Variants in VANGL1 observed in about 807,000 individuals in gnomAD.
VANGL1 encodes the protein VANGL planar cell polarity protein 1.
A neutral mutation model predicts 48.4 loss-of-function variants in VANGL1; 18 were observed. The observed-to-expected ratio is 0.37, with a 90% CI of 0.26 to 0.55. The LOEUF (loss-of-function observed/expected upper bound fraction) is 0.55. Among genes scored for constraint, VANGL1 ranks in the 20% least tolerant of loss-of-function variants. The pLI, the probability that VANGL1 is intolerant of heterozygous loss-of-function variation, is 0.81. For missense variants in VANGL1, 667 were observed against 675.8 expected, an observed-to-expected ratio of 0.99 and a Z score of 0.14; for synonymous variants, 257 against 261.8, an observed-to-expected ratio of 0.98 and a Z score of 0.18.
intron 4 of VANGL1, among the ~76,000 whole-genome samples, chr1:115,678,476 G>A (rs1422957545): frequency 6.6e-6 from 1 of 152,160 alleles, no homozygotes; most frequent in Non-Finnish European, 1.5e-5. Context: ...AAACAAAACA[G>A]CCTCACCTAT....
chr1:115,684,696 C>T (rs749063422), intron 6 of VANGL1, among the ~76,000 whole-genome samples: 11 of 152,186 alleles, frequency 7.2e-5, no homozygotes, highest in Admixed American at 5.2e-4. Context: ...TGCTGATGCT[C>T]CTGGCCCCCA....
intron 2 of VANGL1, among the ~76,000 whole-genome samples, chr1:115,657,969 A>G (rs771901522): frequency 1.3e-5 from 2 of 152,182 alleles, no homozygotes; most frequent in Admixed American, 6.5e-5. Context: ...CTCACTCACT[A>G]TCGTGAAGAT....
At position 115,652,142 on chromosome 1, in the gene VANGL1, G is replaced by A. The variant is rs114885886; in HGVS notation, c.71+658G>A. On this transcript the variant is annotated intron_variant, in intron 2 of 7. Transcript: ENST00000355485. Reference sequence around the variant, plus strand: ...TCATTGTCCATTATGCCTTTGTCATGAGGCTTATTTAGTGAACTGGTAGGA... The same window carrying A: ...TCATTGTCCATTATGCCTTTGTCATAAGGCTTATTTAGTGAACTGGTAGGA... 7.4e-3 allele frequency among the ~76,000 whole-genome samples: 1,124 copies of A among 152,328 alleles called. 6 individuals are homozygous for A. The highest frequency in any genetic ancestry group is 0.014 in the Middle Eastern group (4 of 294).
At chr1:115,654,281 T>C (rs1652261923) in intron 2 of VANGL1, among the ~76,000 whole-genome samples, 1 of 151,780 alleles carries the variant, frequency 6.6e-6, no homozygotes, top group Non-Finnish European at 1.5e-5. Context: ...GATGACACCA[T>C]GATCATCTTA....
intron 4 of VANGL1, among the ~76,000 whole-genome samples, chr1:115,673,389 T>C (rs536522677): frequency 6.6e-6 from 1 of 152,284 alleles, no homozygotes; most frequent in East Asian, 1.9e-4. Flanking sequence ...CTGGATGGCT[T>C]AAAAGTTCTC....
intron 1 of VANGL1, among the ~76,000 whole-genome samples, chr1:115,646,730 C>T (rs1651956236): frequency 6.6e-6 from 1 of 152,126 alleles, no homozygotes; most frequent in South Asian, 2.1e-4. Context: ...GAAAGTGCCT[C>T]TGCCCTCATG....
In VANGL1 at chr1:115,663,920, C is replaced by G. The variant is rs750270345; in HGVS notation, c.464C>G (p.Ser155Cys). The change falls in exon 4 of 8, where the codon TCC becomes TGC. Residue 155 changes from serine to cysteine, a missense_variant. By Grantham distance (112) the Ser-to-Cys change is moderately radical (BLOSUM62 -1). Transcript: ENST00000355485. ...CGTICEGLFISMAFKLLILLI... is the reference protein window; with the variant it reads ...CGTICEGLFICMAFKLLILLI... ...ACAATTTGTGAGGGGCTCTTTATCT[C>G]CATGGCATTCAAACTCCTCATTCTG... 39 of 1,614,118 alleles carry G rather than the reference C, an allele frequency of 2.4e-5. No individual in the cohort carries two copies. Among genetic ancestry groups the G allele is most frequent in the Non-Finnish European group, 3.3e-5 (39 of 1,180,058 alleles).
rs931289662 is a variant in VANGL1 at position 115,641,970 on chromosome 1, A to C, written c.-254A>C. The C allele has an allele frequency of 7.9e-5, 12 of 151,592 alleles. No individual in the cohort carries two copies. The highest frequency in any genetic ancestry group is 3.3e-4 in the Admixed American group (5 of 15,126). 9.4% of individuals were successfully genotyped at this position (151,592 alleles called of 1,614,324 possible). A position where few individuals can be genotyped will look rare whatever the true frequency, so the allele number is the denominator to read the frequency against. ...GCCGGGACAGGAAGCGGAAAGCAGC[A>C]GTGCAGCGGCGGCGGCGGCGGGGCT... On this transcript the variant is annotated 5_prime_UTR_variant, in exon 1 of 8. Transcript: ENST00000355485.
rs1652666098 is a variant in VANGL1 at position 115,663,890 on chromosome 1, G to A, written c.434G>A (p.Cys145Tyr). The A allele has an allele frequency of 6.2e-7, 1 of 1,614,198 alleles. No homozygotes were observed. Among genetic ancestry groups the A allele is most frequent in the Non-Finnish European group, 8.5e-7 (1 of 1,180,040 alleles). ...PILWRDELEP[C>Y]GTICEGLFIS... Reference sequence around the variant, plus strand: ...CTGTGGAGGGATGAGCTGGAGCCTTGTGGCACAATTTGTGAGGGGCTCTTT... The same window carrying A: ...CTGTGGAGGGATGAGCTGGAGCCTTATGGCACAATTTGTGAGGGGCTCTTT... The change falls in exon 4 of 8, where the codon TGT (cysteine) becomes TAT (tyrosine). Residue 145 changes from cysteine (C) to tyrosine (Y), a missense_variant. Physicochemically the swap from Cys to Tyr is radical, Grantham distance 194. Transcript: ENST00000355485.
At chr1:115,668,667 C>T (rs1021395092) in intron 4 of VANGL1, among the ~76,000 whole-genome samples, 2 of 152,180 alleles carry the variant, frequency 1.3e-5, no homozygotes, top group Non-Finnish European at 2.9e-5. Context: ...TGCCCATGGT[C>T]CTGTGTGATT....
chr1:115,676,064 T>C (rs1653154595), intron 4 of VANGL1, among the ~76,000 whole-genome samples: 1 of 152,256 alleles, frequency 6.6e-6, no homozygotes, highest in African/African-American at 2.4e-5. Flanking sequence ...GTTTGTACAA[T>C]GCATTATAGT....
chr1:115,685,217 G>A lies in VANGL1; in HGVS notation c.1080-76G>A, dbSNP rs1653551440. Reference sequence around the variant, plus strand: ...TGTTGGCAGGTTGGGCCGCAGCAGGGTAGACAAGCGTCATTCTGTTCTCAC... The same window carrying A: ...TGTTGGCAGGTTGGGCCGCAGCAGGATAGACAAGCGTCATTCTGTTCTCAC... On this transcript the variant is annotated intron_variant, in intron 6 of 7. Transcript: ENST00000355485. 1.2e-5 allele frequency: 19 copies of A among 1,535,430 alleles called. No homozygotes were observed. In the South Asian group the frequency reaches 2.1e-4, roughly 17 times the overall value.
chr1:115,651,727 C>A lies in VANGL1; in HGVS notation c.71+243C>A, dbSNP rs533659964. ...ATTGGTTTTAAATTAAAGTTTCTTC[C>A]TGCAGTGGAAATGTTTTTCATTTCT... On this transcript the variant is annotated intron_variant, in intron 2 of 7. Coordinates refer to ENST00000355485, the MANE Select transcript of VANGL1 (RefSeq NM_138959.3). 2.5e-4 allele frequency among the ~76,000 whole-genome samples: 38 copies of A among 151,978 alleles called. 2 individuals are homozygous for A. In the South Asian group the frequency reaches 7.9e-3, roughly 31 times the overall value.
At chr1:115,690,506 C>T (rs1653788735) in intron 7 of VANGL1, among the ~76,000 whole-genome samples, 1 of 152,252 alleles carries the variant, frequency 6.6e-6, no homozygotes, top group African/African-American at 2.4e-5. Context: ...CCATTGCTTG[C>T]TTACCATGTC....
chr1:115,687,009 T>C lies in VANGL1; in HGVS notation c.1314+1482T>C, dbSNP rs530614801. Among the ~76,000 whole-genome samples the C allele has an allele frequency of 2.4e-4, 33 of 138,588 alleles. 5 individuals are homozygous for C. The East Asian group carries it at 5.1e-3, about 21-fold the overall frequency. The allele number at this position is 138,588 out of a possible 152,430, so 90.9% of individuals were successfully genotyped here. ...ACATGTGTAACATTTGGTAGCTGTTTTTTTATAAGGACTTCTGTTTATATG... is the reference window on the plus strand; with the variant it reads ...ACATGTGTAACATTTGGTAGCTGTTCTTTTATAAGGACTTCTGTTTATATG... On this transcript the variant is annotated intron_variant, in intron 7 of 7. Transcript: ENST00000355485.
Position 115,693,504 on chromosome 1 carries a change from A to G in VANGL1, c.*2125A>G, listed in dbSNP as rs1319296257. On this transcript the variant is annotated 3_prime_UTR_variant, in exon 8 of 8. Transcript: ENST00000355485. ...CATGTGCATTCCCAGCAGGGTGAAGAAAGGTTTAAATTAAAGAATTTATTT... is the reference window on the plus strand; with the variant it reads ...CATGTGCATTCCCAGCAGGGTGAAGGAAGGTTTAAATTAAAGAATTTATTT... 1.3e-5 allele frequency: 2 copies of G among 152,622 alleles called. No individual in the cohort carries two copies. The highest frequency in any genetic ancestry group is 4.8e-5 in the African/African-American group (2 of 41,450). 9.5% of individuals were successfully genotyped at this position (152,622 alleles called of 1,614,324 possible). A position where few individuals can be genotyped will look rare whatever the true frequency, so the allele number is the denominator to read the frequency against.
chr1:115,669,260 C>T (rs1204342292), intron 4 of VANGL1, among the ~76,000 whole-genome samples: 1 of 152,082 alleles, frequency 6.6e-6, no homozygotes, highest in Non-Finnish European at 1.5e-5. Flanking sequence ...CCACAGTGAC[C>T]CATTCTATAG....
intron 2 of VANGL1, among the ~76,000 whole-genome samples, chr1:115,657,578 C>T (rs999651714): frequency 6.6e-5 from 10 of 151,632 alleles, no homozygotes; most frequent in Middle Eastern, 3.4e-3. Context: ...TTGTTAGATG[C>T]GTCTCTGGGT....
chr1:115,655,939 G>A (rs1652338433), intron 2 of VANGL1, among the ~76,000 whole-genome samples: 1 of 152,218 alleles, frequency 6.6e-6, no homozygotes, highest in Non-Finnish European at 1.5e-5. Flanking sequence ...ATGAAGTCCT[G>A]ACTTGGCTCA....
Sources: gnomAD v4.1 joint callset for allele counts (sites outside exome capture counted in the v4.1 genomes callset) on GRCh38, gnomAD v4.1.1 for gene constraint, MANE v1.5 for transcripts, NCBI Gene and HGNC (gene_info 2026-07-23, HGNC 2026-07-21) for gene names.